RAB3C: variants seen among roughly 807,000 people sequenced by gnomAD.
RAB3C encodes the protein ras-related protein Rab-3C.
RAB3C carries 17 observed loss-of-function variants against 26.4 expected under a neutral mutation model. That is an observed-to-expected ratio of 0.64 (90% CI 0.44 to 0.97). The LOEUF is 0.97. RAB3C is among the 50% of genes least tolerant of loss of function. The probability of loss-of-function intolerance (pLI) is 0.00; values close to 1 mark genes in which losing one functional copy is unlikely to be tolerated. For synonymous variants in RAB3C, 91 were observed against 95.9 expected (o/e 0.95, Z 0.30); for missense variants, 242 against 281.9 (o/e 0.86, Z 1.01).
chr5:58,738,637 G>A (rs1741207583), intron 3 of RAB3C, among the ~76,000 whole-genome samples: 1 of 152,120 alleles, frequency 6.6e-6, no homozygotes, highest in African/African-American at 2.4e-5. Context: ...AAGGCTAGAA[G>A]CTAAATTATG....
intron 3 of RAB3C, among the ~76,000 whole-genome samples, chr5:58,819,823 G>A (rs1177734523): frequency 6.6e-6 from 1 of 152,056 alleles, no homozygotes; most frequent in Non-Finnish European, 1.5e-5. Flanking sequence ...AGGTTGCAGT[G>A]AGCCACTGTA....
chr5:58,692,449 T>C (rs914126008), intron 2 of RAB3C, among the ~76,000 whole-genome samples: 1 of 152,164 alleles, frequency 6.6e-6, no homozygotes, highest in Non-Finnish European at 1.5e-5. Context: ...TTTATTTTGA[T>C]GTTAAGCATA....
chr5:58,786,543 TCTC>T (rs1198358341), intron 3 of RAB3C, among the ~76,000 whole-genome samples: 1 of 152,160 alleles, frequency 6.6e-6, no homozygotes, highest in Non-Finnish European at 1.5e-5. Flanking sequence ...TCTCAGCTCT[TCTC>T]CTGCCCTGGT....
At chr5:58,701,575 G>A (rs7723730) in intron 2 of RAB3C, among the ~76,000 whole-genome samples, 31,068 of 151,912 alleles carry the variant, frequency 0.2, 3,215 homozygotes, top group East Asian at 0.33. Flanking sequence ...CCACAAAAAT[G>A]TATTATCTTA....
intron 2 of RAB3C, among the ~76,000 whole-genome samples, chr5:58,716,989 G>T (rs1749185322): frequency 6.6e-6 from 1 of 152,016 alleles, no homozygotes; most frequent in African/African-American, 2.4e-5. Context: ...TGTTACTGTA[G>T]GTTCATCAGT....
chr5:58,659,521 T>C (rs539101223), intron 2 of RAB3C, among the ~76,000 whole-genome samples: 27 of 152,330 alleles, frequency 1.8e-4, no homozygotes, highest in African/African-American at 6.5e-4. Context: ...ATAGACTTCA[T>C]TGCTTTTCTA....
At position 58,695,643 on chromosome 5, in the gene RAB3C, C is replaced by T. The variant is rs571424974; in HGVS notation, c.253-30359C>T. Among the ~76,000 whole-genome samples, 31 of 152,232 alleles carry T rather than the reference C, an allele frequency of 2.0e-4. No individual in the cohort carries two copies. In the South Asian group the frequency reaches 5.2e-3, roughly 25 times the overall value. ...CTCCTTGAAGAGGTCCTTCACATCC[C>T]TTGTAAGTTGGATTCCTAGGTATTT... is the stretch of plus-strand genomic sequence containing the variant. On this transcript the variant is annotated intron_variant, in intron 2 of 4. Coordinates refer to ENST00000282878, the MANE Select transcript of RAB3C (RefSeq NM_138453.4).
intron 2 of RAB3C, among the ~76,000 whole-genome samples, chr5:58,671,392 C>T (rs1380103644): frequency 6.6e-6 from 1 of 152,154 alleles, no homozygotes; most frequent in Non-Finnish European, 1.5e-5. Flanking sequence ...TGTCTCGTTC[C>T]AGAGCCAGCA....
rs773505799 is a variant in RAB3C at position 58,851,366 on chromosome 5, C to T, written c.*15C>T. 2 of 1,570,518 alleles carry T rather than the reference C, an allele frequency of 1.3e-6. No homozygotes were observed. The highest frequency in any genetic ancestry group is 1.9e-5 in the Admixed American group (1 of 51,580). On this transcript the variant is annotated 3_prime_UTR_variant, in exon 5 of 5. Coordinates refer to ENST00000282878, the MANE Select transcript of RAB3C (RefSeq NM_138453.4). ...GTGCCTGCTAGTGTCCCCGTGCACA[C>T]AGGCAGCTCCAGGGGGCTCTGGTTG...
intron 3 of RAB3C, among the ~76,000 whole-genome samples, chr5:58,778,465 A>G (rs1742198678): frequency 6.6e-6 from 1 of 152,144 alleles, no homozygotes; most frequent in Non-Finnish European, 1.5e-5. Flanking sequence ...ATGCCCAATA[A>G]GAAAGGGAAC....
chr5:58,731,087 A>G (rs1167090987), intron 3 of RAB3C, among the ~76,000 whole-genome samples: 1 of 152,126 alleles, frequency 6.6e-6, no homozygotes, highest in Non-Finnish European at 1.5e-5. Flanking sequence ...CTCCCATGAC[A>G]CGTGGGAATT....
intron 4 of RAB3C, among the ~76,000 whole-genome samples, chr5:58,825,898 G>A (rs35726583): frequency 1.3e-5 from 2 of 152,122 alleles, no homozygotes; most frequent in Non-Finnish European, 2.9e-5. Flanking sequence ...TTTATATTAT[G>A]CCAAACATCA....
rs560099333 is a variant in RAB3C, at chr5:58,756,816, G to A, written c.371+30696G>A. Among the ~76,000 whole-genome samples the A allele has an allele frequency of 7.3e-5, 11 of 151,478 alleles. No homozygotes were observed. In the South Asian group the frequency reaches 2.3e-3, roughly 32 times the overall value. ...GCACAGTATTCCATGGTGTATATTT[G>A]CAACATTTTCTTTATCCAGTTTATC... is the stretch of plus-strand genomic sequence containing the variant. On this transcript the variant is annotated intron_variant, in intron 3 of 4. Transcript: ENST00000282878.
At chr5:58,593,455 T>C (rs4412081) in intron 1 of RAB3C, among the ~76,000 whole-genome samples, 18,817 of 152,222 alleles carry the variant, frequency 0.12, 1,523 homozygotes, top group South Asian at 0.23. Context: ...TTATCTTTTG[T>C]AGATATTTTT....
At chr5:58,840,739 T>C (rs1743858504) in intron 4 of RAB3C, among the ~76,000 whole-genome samples, 1 of 152,190 alleles carries the variant, frequency 6.6e-6, no homozygotes, top group Admixed American at 6.5e-5. Flanking sequence ...CATAAGCAAG[T>C]TTCTCAGTGG....
intron 4 of RAB3C, 132 bp from the exon 5 acceptor site, chr5:58,851,032 T>C (rs1485322427): frequency 1.3e-6 from 1 of 757,006 alleles, no homozygotes; most frequent in African/African-American, 1.8e-5. Context: ...ACCTCTAATC[T>C]CTTACCTACC....
chr5:58,668,709 C>A (rs1388694148), intron 2 of RAB3C, among the ~76,000 whole-genome samples: 1 of 152,090 alleles, frequency 6.6e-6, no homozygotes, highest in African/African-American at 2.4e-5. Context: ...GAAGTCACCC[C>A]TCCACTTAAT....
intron 3 of RAB3C, among the ~76,000 whole-genome samples, chr5:58,768,475 A>T (rs1741956373): frequency 6.6e-6 from 1 of 152,162 alleles, no homozygotes; most frequent in South Asian, 2.1e-4. Context: ...AGAAGGGTAC[A>T]AACAACAGAT....
In RAB3C at chr5:58,748,189, G is replaced by C. The variant is rs1031390506; in HGVS notation, c.371+22069G>C. ...CATTACCCAGAAAGAATTTCAAGGGGGGGGAAATGATCTATCAATCTAGAG... is the reference window on the plus strand; with the variant it reads ...CATTACCCAGAAAGAATTTCAAGGGCGGGGAAATGATCTATCAATCTAGAG... On this transcript the variant is annotated intron_variant, in intron 3 of 4. Coordinates refer to ENST00000282878, the MANE Select transcript of RAB3C (RefSeq NM_138453.4). Among the ~76,000 whole-genome samples, 7 of 152,148 alleles carry C rather than the reference G, an allele frequency of 4.6e-5. No individual in the cohort carries two copies. The East Asian group carries it at 1.4e-3, about 29-fold the overall frequency.
Sources: allele counts gnomAD v4.1 joint callset (sites outside exome capture counted in the v4.1 genomes callset), GRCh38; gene constraint gnomAD v4.1.1; transcripts MANE v1.5; gene names NCBI Gene and HGNC (gene_info 2026-07-23, HGNC 2026-07-21).